LOXHD1: variants seen among roughly 807,000 people sequenced by gnomAD.
The protein encoded by LOXHD1 is lipoxygenase homology domain-containing protein 1.
In LOXHD1, 205 loss-of-function variants were observed where a neutral mutation model predicts 248.2. The observed-to-expected ratio is 0.83, with a 90% CI of 0.74 to 0.93. The LOEUF (loss-of-function observed/expected upper bound fraction) is 0.93, where lower values mean the gene tolerates loss of function less well. Ranked by LOEUF, LOXHD1 falls within the 40% of genes least tolerant of loss-of-function variation. The pLI is 0.00. For missense variants in LOXHD1, 2,930 were observed against 2,971.6 expected (o/e 0.99, Z 0.33); for synonymous variants, 1,113 against 1,162.8 (o/e 0.96, Z 0.87).
At chr18:46,560,795 C>CTGGTCTCCCTCTTCTCTCTTA (rs2037511195) in intron 18 of LOXHD1, among the ~76,000 whole-genome samples, 1 of 152,174 alleles carries the variant, frequency 6.6e-6, no homozygotes, top group African/African-American at 2.4e-5. Flanking sequence ...TGTGGGCAAG[C>CTGGTCTCCCTCTTCTCTCTTA]TGGTCTCCCT....
intron 34 of LOXHD1, among the ~76,000 whole-genome samples, chr18:46,517,582 G>GT (rs1310543993): frequency 1.3e-5 from 2 of 152,162 alleles, no homozygotes; most frequent in African/African-American, 4.8e-5. Flanking sequence ...GTTAAGCTGT[G>GT]TAAGTACAAG....
In LOXHD1 at chr18:46,507,667, A is replaced by T; in HGVS notation, c.5563T>A (p.Tyr1855Asn). Residue 1855 changes from tyrosine to asparagine, a missense_variant, in exon 36 of 41, where the codon TAT becomes AAT. Tyr to Asn is a moderately radical substitution (Grantham distance 143). Transcript: ENST00000642948. ...TTCCGCTGGGACAGCCAGTCTCCAT[A>T]GTAGAACATGGTCAGGTCTCCAGTG... is the stretch of plus-strand genomic sequence containing the variant. The part of the protein sequence containing the change: ...MNTGDLTMFY[Y>N]GDWLSQRKGK... The T allele has an allele frequency of 1.3e-6, 2 of 1,551,732 alleles. No individual in the cohort carries two copies. The highest frequency in any genetic ancestry group is 1.7e-6 in the Non-Finnish European group (2 of 1,146,990).
intron 7 of LOXHD1, among the ~76,000 whole-genome samples, chr18:46,603,683 G>A (rs557239908): frequency 3.3e-5 from 5 of 152,250 alleles, no homozygotes; most frequent in East Asian, 1.9e-4. Context: ...CTGTGTGATG[G>A]GAACAATAAC....
intron 12 of LOXHD1, among the ~76,000 whole-genome samples, chr18:46,590,171 G>T (rs1395547609): frequency 6.6e-6 from 1 of 152,034 alleles, no homozygotes; most frequent in African/African-American, 2.4e-5. Flanking sequence ...CTGTAAATTT[G>T]TTAGGCAAGC....
At chr18:46,480,985 G>T (rs2032516384) in intron 40 of LOXHD1, among the ~76,000 whole-genome samples, 1 of 152,182 alleles carries the variant, frequency 6.6e-6, no homozygotes. Context: ...AGTGATGAAT[G>T]AGAACTGGTC....
At chr18:46,604,011 GT>G in intron 7 of LOXHD1, 94 bp downstream of exon 7, 1 of 1,497,398 alleles carries the variant, frequency 6.7e-7, no homozygotes, top group Non-Finnish European at 9.0e-7. Flanking sequence ...GCTGGCTCCT[GT>G]TTGATCACAG....
At chr18:46,650,212 C>T (rs1392354107) in intron 1 of LOXHD1, among the ~76,000 whole-genome samples, 1 of 152,152 alleles carries the variant, frequency 6.6e-6, no homozygotes, top group East Asian at 1.9e-4. Flanking sequence ...ATGAGATTTT[C>T]ACTTCTGAGT....
intron 38 of LOXHD1, among the ~76,000 whole-genome samples, chr18:46,487,528 G>T (rs1397264576): frequency 6.6e-6 from 1 of 152,224 alleles, no homozygotes; most frequent in African/African-American, 2.4e-5. Context: ...CAGGCCCACG[G>T]TTTACGCTGA....
intron 31 of LOXHD1, among the ~76,000 whole-genome samples, chr18:46,523,515 T>C (rs749392642): frequency 2.0e-5 from 3 of 152,202 alleles, no homozygotes; most frequent in Non-Finnish European, 2.9e-5. Flanking sequence ...ATTCCTAATT[T>C]GTTTAAGTCA....
At chr18:46,586,038 A>G (rs2038053062) in intron 12 of LOXHD1, among the ~76,000 whole-genome samples, 1 of 152,248 alleles carries the variant, frequency 6.6e-6, no homozygotes, top group African/African-American at 2.4e-5. Flanking sequence ...AATTTGGTAC[A>G]TCGATACAAT....
rs1404612806 is a variant in LOXHD1, at chr18:46,542,797, A to G, written c.3678T>C (p.Ile1226=). Reference sequence around the variant, plus strand: ...CCAGCGTCTCCACCGTGAAGATTTCAATGCTGTCCCTCTCAAACTTATCGC... The same window carrying G: ...CCAGCGTCTCCACCGTGAAGATTTCGATGCTGTCCCTCTCAAACTTATCGC... ...TNSDKFERDS[I]EIFTVETLDL... Residue 1226 remains isoleucine, a synonymous_variant, in exon 24 of 41, where the codon ATT becomes ATC. Transcript: ENST00000642948. The G allele has an allele frequency of 1.3e-6, 2 of 1,551,562 alleles. No individual in the cohort carries two copies. The highest frequency in any genetic ancestry group is 1.7e-6 in the Non-Finnish European group (2 of 1,146,984).
intron 40 of LOXHD1, among the ~76,000 whole-genome samples, chr18:46,479,747 A>T (rs1443441494): frequency 1.3e-5 from 2 of 149,052 alleles, no homozygotes; most frequent in African/African-American, 4.9e-5. Context: ...CCTATTTTAG[A>T]TGAACATTCT....
At chr18:46,579,498 C>T in intron 13 of LOXHD1, 132 bp downstream of exon 13, 2 of 1,236,006 alleles carry the variant, frequency 1.6e-6, no homozygotes, top group South Asian at 2.9e-5. Context: ...CCCCCTTACC[C>T]AGAGTGAGGC....
chr18:46,575,638 T>C (rs757558716), intron 14 of LOXHD1, among the ~76,000 whole-genome samples: 1 of 152,112 alleles, frequency 6.6e-6, no homozygotes, highest in Non-Finnish European at 1.5e-5. Context: ...GGTGAGGACA[T>C]AGGCCCGGGT....
intron 37 of LOXHD1, among the ~76,000 whole-genome samples, chr18:46,492,388 A>C (rs774749520): frequency 1.3e-5 from 2 of 152,212 alleles, no homozygotes; most frequent in African/African-American, 4.8e-5. Flanking sequence ...GGAAACTTAC[A>C]ATTATGGCAG....
At chr18:46,544,163 GT>G (rs1444217769) in intron 23 of LOXHD1, among the ~76,000 whole-genome samples, 1 of 152,190 alleles carries the variant, frequency 6.6e-6, no homozygotes, top group Admixed American at 6.5e-5. Context: ...CTACAGACTG[GT>G]TTAAGTATAC....
At chr18:46,616,977 T>C (rs2038596458) in intron 5 of LOXHD1, among the ~76,000 whole-genome samples, 1 of 152,230 alleles carries the variant, frequency 6.6e-6, no homozygotes, top group South Asian at 2.1e-4. Flanking sequence ...GATTAATGCT[T>C]AGTTATGATG....
chr18:46,572,631 C>T (rs1568193992), intron 14 of LOXHD1, among the ~76,000 whole-genome samples: 1 of 152,144 alleles, frequency 6.6e-6, no homozygotes, highest in Non-Finnish European at 1.5e-5. Context: ...TGAAAGCCAT[C>T]ATTAGCATAG....
chr18:46,604,376 C>T, intron 6 of LOXHD1, 147 bp from the exon 7 acceptor site: 1 of 1,107,690 alleles, frequency 9.0e-7, no homozygotes, highest in Non-Finnish European at 1.3e-6. Flanking sequence ...ATCACAAGGA[C>T]ACAACTGTGT....
Sources: allele counts gnomAD v4.1 joint callset (sites outside exome capture counted in the v4.1 genomes callset), GRCh38; gene constraint gnomAD v4.1.1; transcripts MANE v1.5; gene names NCBI Gene and HGNC (gene_info 2026-07-23, HGNC 2026-07-21).